Variants in WASHC4 observed in about 807,000 individuals in gnomAD.
WASHC4 encodes WASH complex subunit 4.
WASHC4 carries 86 observed loss-of-function variants against 166.6 expected under a neutral mutation model. The ratio of observed to expected loss-of-function variants is 0.52; its 90% CI spans 0.43 to 0.62. The LOEUF (loss-of-function observed/expected upper bound fraction) is 0.62. Among genes scored for constraint, WASHC4 ranks in the 20% least tolerant of loss-of-function variants. The pLI is 0.00. For missense variants in WASHC4, 1,262 were observed against 1,382.4 expected (o/e 0.91, Z 1.38); for synonymous variants, 446 against 451.6 (o/e 0.99, Z 0.16).
intron 30 of WASHC4, among the ~76,000 whole-genome samples, chr12:105,163,893 CTTT>C (rs1884652705): frequency 9.7e-6 from 1 of 103,626 alleles, no homozygotes; most frequent in Non-Finnish European, 2.3e-5. Context: ...ATTGACTTGT[CTTT>C]AGTTATACTT....
At chr12:105,163,113 C>T (rs957737612) in intron 30 of WASHC4, among the ~76,000 whole-genome samples, 1 of 152,044 alleles carries the variant, frequency 6.6e-6, no homozygotes, top group Non-Finnish European at 1.5e-5. Context: ...CTCGCCACCA[C>T]ACCTGCCTAA....
At position 105,164,688 on chromosome 12, in the gene WASHC4, C is replaced by T. The variant is rs1422448999; in HGVS notation, c.3402C>T (p.Phe1134=). ...CACTGAGCAGTGCAAGAATTTTCTT[C>T]AGAGCAGACAAGACTGCGGCTGAAG... is the stretch of plus-strand genomic sequence containing the variant. ...YFSLSSARIF[F]RADKTAAEEN... is the part of the protein sequence containing the mutation. Residue 1134 remains phenylalanine, a synonymous_variant, in exon 32 of 33, where the codon TTC becomes TTT. Coordinates refer to ENST00000332180, the MANE Select transcript of WASHC4 (RefSeq NM_015275.3). The T allele has an allele frequency of 2.5e-6, 4 of 1,613,302 alleles. No homozygotes were observed. Among genetic ancestry groups the T allele is most frequent in the Non-Finnish European group, 3.4e-6 (4 of 1,179,658 alleles).
At chr12:105,116,638 C>A (rs1269444948) in intron 6 of WASHC4, among the ~76,000 whole-genome samples, 1 of 152,084 alleles carries the variant, frequency 6.6e-6, no homozygotes, top group Non-Finnish European at 1.5e-5. Context: ...AATGGGTTAG[C>A]TATGTGAGAT....
intron 10 of WASHC4, among the ~76,000 whole-genome samples, chr12:105,123,053 G>A (rs777712190): frequency 6.6e-6 from 1 of 152,244 alleles, no homozygotes; most frequent in Non-Finnish European, 1.5e-5. Flanking sequence ...GGTGGCTCAT[G>A]CCTGTAATCC....
Position 105,146,544 on chromosome 12 carries a change from AT to A in WASHC4, c.2409+30del, listed in dbSNP as rs199922129. The A allele has an allele frequency of 0.029, 33,684 of 1,181,356 alleles. 5 individuals carry two copies. The highest frequency in any genetic ancestry group is 0.037 in the East Asian group (1,341 of 36,036). The allele number at this position is 1,181,356 out of a possible 1,614,324, so 73.2% of individuals were successfully genotyped here. A position where few individuals can be genotyped will look rare whatever the true frequency, so the allele number is the denominator to read the frequency against. On this transcript the variant is annotated intron_variant, in intron 23 of 32. Transcript: ENST00000332180. ...ACAATCAGGTGAGTAGGGTTTATAAATTTTTTTTTTTTAATGTAGGTGGAGA... is the reference window on the plus strand; with the variant it reads ...ACAATCAGGTGAGTAGGGTTTATAAATTTTTTTTTTTAATGTAGGTGGAGA...
At chr12:105,163,402 C>T (rs1884623610) in intron 30 of WASHC4, among the ~76,000 whole-genome samples, 1 of 152,108 alleles carries the variant, frequency 6.6e-6, no homozygotes, top group African/African-American at 2.4e-5. Context: ...AATATTTAGG[C>T]TTTGTTTTTG....
Position 105,140,363 on chromosome 12 carries a change from C to T in WASHC4, c.1522C>T (p.Leu508Phe), listed in dbSNP as rs201542881. The change falls in exon 16 of 33, where the codon CTT becomes TTT. Residue 508 changes from leucine to phenylalanine, a missense_variant. By Grantham distance (22) the Leu-to-Phe change is conservative. Coordinates refer to ENST00000332180, the MANE Select transcript of WASHC4 (RefSeq NM_015275.3). The stretch of plus-strand genomic sequence containing the variant: ...TTCAGTTTCACATATAACACAGCAC[C>T]TTCAACATCAGGCTCTTCATTCTAT... Reference protein sequence around the residue: ...ADSVSHITQHLQHQALHSISV... With the variant: ...ADSVSHITQHFQHQALHSISV... 9.3e-6 allele frequency: 15 copies of T among 1,613,688 alleles called. No individual in the cohort carries two copies. The African/African-American group carries it at 2.0e-4, about 22-fold the overall frequency.
chr12:105,157,252 GA>G lies in WASHC4; in HGVS notation c.2844del (p.Asp949IlefsTer3). ...SNAIRFVPDL[E>X]DIVNFEELVK... ...CTTATGTAGATTTGTTCCTGATCTT[GA>G]AGATATTGTAAATTTTGAAGAACTA... On this transcript the variant is annotated frameshift_variant, in exon 28 of 33. Transcript: ENST00000332180. LOFTEE classifies it high-confidence loss of function. 6.5e-7 allele frequency: 1 copy of G among 1,536,042 alleles called. No individual in the cohort carries two copies.
chr12:105,128,971 A>C (rs955899646), intron 13 of WASHC4, among the ~76,000 whole-genome samples: 5 of 146,630 alleles, frequency 3.4e-5, no homozygotes, highest in African/African-American at 1.0e-4. Flanking sequence ...TTTGAGACAG[A>C]GTCTCCCTGT....
At position 105,120,604 on chromosome 12, in the gene WASHC4, G is replaced by T. The variant is rs750585825; in HGVS notation, c.561+7G>T. ...AACTGGAGTTCATTTTCAGGTAAAA[G>T]ACATTTAGCTTGACCTGTAAAACTG... On this transcript the variant is annotated splice_region_variant and intron_variant, in intron 8 of 32. Coordinates refer to ENST00000332180, the MANE Select transcript of WASHC4 (RefSeq NM_015275.3). 3.2e-6 allele frequency: 5 copies of T among 1,586,960 alleles called. No individual in the cohort carries two copies. The South Asian group carries it at 5.5e-5, about 18-fold the overall frequency.
Position 105,165,104 on chromosome 12 carries a change from T to C in WASHC4, c.3454+364T>C, listed in dbSNP as rs193283371. 3.1e-3 allele frequency among the ~76,000 whole-genome samples: 473 copies of C among 152,342 alleles called. 4 individuals carry two copies. Among genetic ancestry groups the C allele is most frequent in the Non-Finnish European group, 4.4e-3 (299 of 68,020 alleles). On this transcript the variant is annotated intron_variant, in intron 32 of 32. Transcript: ENST00000332180. ...TGCTGAAGGCAGAGCTGCTGATGAC[T>C]AGATGTTGACTGAATGAGATGGGAC...
chr12:105,150,905 T>G (rs1883705402), intron 25 of WASHC4, among the ~76,000 whole-genome samples: 1 of 151,976 alleles, frequency 6.6e-6, no homozygotes, highest in African/African-American at 2.4e-5. Context: ...GAGAACTAAC[T>G]CACTATCATG....
Position 105,140,962 on chromosome 12 carries a change from T to C in WASHC4, c.1624T>C (p.Leu542=). Residue 542 remains leucine, a synonymous_variant, in exon 17 of 33, where the codon TTG becomes CTG. Transcript: ENST00000332180. The stretch of plus-strand genomic sequence containing the variant: ...TCTTGATGTGCTCTCTGCTCTAGTT[T>C]TGGCTGAAAACACTCTAAATGGACC... ...QRLDVLSALV[L]AENTLNGPST... 1 of 1,614,188 alleles carries C rather than the reference T, an allele frequency of 6.2e-7. No individual in the cohort carries two copies. The highest frequency in any genetic ancestry group is 8.5e-7 in the Non-Finnish European group (1 of 1,180,018).
rs200705849 is a variant in WASHC4, at chr12:105,138,360, T to TAA, written c.1452+362_1452+363dup. Among the ~76,000 whole-genome samples the TAA allele has an allele frequency of 3.9e-3, 566 of 145,374 alleles. 4 individuals carry two copies. The highest frequency in any genetic ancestry group is 0.014 in the African/African-American group (543 of 39,406). On this transcript the variant is annotated intron_variant, in intron 15 of 32. Transcript: ENST00000332180. The stretch of plus-strand genomic sequence containing the variant: ...GAAGTTTTAAAAAGGTTGCATGAGT[T>TAA]AAAAAAAAAAAAAACAGCTTGTCTA...
intron 10 of WASHC4, 31 bp from the exon 11 acceptor site, chr12:105,125,971 GTC>G (rs770379570): frequency 1.9e-6 from 3 of 1,597,154 alleles, no homozygotes; most frequent in Admixed American, 1.7e-5. Context: ...ATTATTGAGA[GTC>G]TGAATTTCTC....
chr12:105,125,923 C>A, intron 10 of WASHC4, 81 bp from the exon 11 acceptor site: 1 of 1,324,290 alleles, frequency 7.6e-7, no homozygotes, highest in Non-Finnish European at 1.1e-6. Flanking sequence ...TTATCATACA[C>A]TGTATTTAGT....
rs1474524612 is a variant in WASHC4 at position 105,107,749 on chromosome 12, G to C, written c.-52G>C. The C allele has an allele frequency of 3.6e-6, 5 of 1,386,280 alleles. No individual in the cohort carries two copies. Among genetic ancestry groups the C allele is most frequent in the Non-Finnish European group, 5.0e-6 (5 of 1,001,180 alleles). The allele number at this position is 1,386,280 out of a possible 1,614,324, so 85.9% of individuals were successfully genotyped here. A position where few individuals can be genotyped will look rare whatever the true frequency, so the allele number is the denominator to read the frequency against. On this transcript the variant is annotated 5_prime_UTR_variant, in exon 1 of 33. Coordinates refer to ENST00000332180, the MANE Select transcript of WASHC4 (RefSeq NM_015275.3). ...CTGTGACAGTAGCTGGGGTGAGGCC[G>C]TCGTCGCCGCACGGGCTGGTTGGGG...
At chr12:105,156,693 A>C in intron 26 of WASHC4, 33 bp from the exon 27 acceptor site, 1 of 1,518,644 alleles carries the variant, frequency 6.6e-7, no homozygotes, top group Middle Eastern at 1.7e-4. Context: ...AGTTATTTAT[A>C]TAAATATCTG....
chr12:105,159,021 A>G (rs1008959820), intron 28 of WASHC4, among the ~76,000 whole-genome samples: 1 of 152,212 alleles, frequency 6.6e-6, no homozygotes, highest in African/African-American at 2.4e-5. Context: ...TTGCTCTGGA[A>G]TAGTCTGTTA....
Sources: gnomAD v4.1 joint callset for allele counts (sites outside exome capture counted in the v4.1 genomes callset) on GRCh38, gnomAD v4.1.1 for gene constraint, MANE v1.5 for transcripts, NCBI Gene and HGNC (gene_info 2026-07-23, HGNC 2026-07-21) for gene names.